The following CDH4 variants were observed in gnomAD, a reference collection of about 807,000 sequenced individuals.
CDH4 encodes cadherin-4.
CDH4 carries 33 observed loss-of-function variants against 86.0 expected under a neutral mutation model. The ratio of observed to expected loss-of-function variants is 0.38; its 90% confidence interval spans 0.29 to 0.51. The LOEUF is 0.51. Ranked by LOEUF, CDH4 falls within the 20% of genes least tolerant of loss-of-function variation. CDH4 has a pLI of 0.86. For synonymous variants in CDH4, 555 were observed against 549.4 expected (o/e 1.01, Z -0.14); for missense variants, 1,114 against 1,307.4 (o/e 0.85, Z 2.28).
intron 2 of CDH4, among the ~76,000 whole-genome samples, chr20:61,557,849 C>T (rs1011040133): frequency 6.7e-5 from 10 of 150,192 alleles, no homozygotes; most frequent in Admixed American, 3.3e-4. Flanking sequence ...GATAATGACG[C>T]GGCGCTGGAT....
intron 2 of CDH4, among the ~76,000 whole-genome samples, chr20:61,567,264 A>AC (rs2086305832): frequency 6.6e-6 from 1 of 152,194 alleles, no homozygotes; most frequent in Admixed American, 6.5e-5. Flanking sequence ...GGCAGAAGTT[A>AC]CCTTAGTCTA....
At chr20:61,849,756 C>A (rs1008131042) in intron 5 of CDH4, among the ~76,000 whole-genome samples, 6 of 152,214 alleles carry the variant, frequency 3.9e-5, no homozygotes, top group Non-Finnish European at 8.8e-5. Context: ...ATAGGATGCC[C>A]GCATGCCCTT....
At chr20:61,576,911 A>G (rs979958836) in intron 2 of CDH4, among the ~76,000 whole-genome samples, 10 of 152,224 alleles carry the variant, frequency 6.6e-5, no homozygotes, top group Admixed American at 5.9e-4. Context: ...GGGAGATTTC[A>G]TTATTTTTAA....
intron 4 of CDH4, among the ~76,000 whole-genome samples, chr20:61,839,393 ATT>A (rs1982034538): frequency 1.3e-5 from 2 of 149,794 alleles, no homozygotes; most frequent in Non-Finnish European, 3.0e-5. Context: ...GTGTATGTGT[ATT>A]TGTGTTGTGT....
chr20:61,481,873 T>C (rs1168992593), intron 2 of CDH4, among the ~76,000 whole-genome samples: 2 of 152,248 alleles, frequency 1.3e-5, no homozygotes, highest in Non-Finnish European at 2.9e-5. Flanking sequence ...TTTTTACTTA[T>C]AAAATATTCC....
intron 2 of CDH4, among the ~76,000 whole-genome samples, chr20:61,504,518 A>G (rs1330447168): frequency 6.6e-6 from 1 of 152,146 alleles, no homozygotes; most frequent in Non-Finnish European, 1.5e-5. Context: ...TTTGAAGCCC[A>G]TAGAGGTTGT....
chr20:61,403,392 T>C (rs2085060926), intron 2 of CDH4, among the ~76,000 whole-genome samples: 1 of 152,126 alleles, frequency 6.6e-6, no homozygotes, highest in Non-Finnish European at 1.5e-5. Context: ...GCTGCTGAGT[T>C]TGGGGGCAGC....
rs111579126 is a variant in CDH4 at position 61,659,661 on chromosome 20, G to A, written c.170-83902G>A. 3.4e-5 allele frequency among the ~76,000 whole-genome samples: 5 copies of A among 147,422 alleles called. 1 individual carries two copies. Among genetic ancestry groups the A allele is most frequent in the African/African-American group, 1.0e-4 (4 of 38,798 alleles). On this transcript the variant is annotated intron_variant, in intron 2 of 15. Coordinates refer to ENST00000614565, the MANE Select transcript of CDH4 (RefSeq NM_001794.5). ...GAGGCTTGGAGGCAGGAGGAGGGTA[G>A]GCCTCAGCCATCTGAGGCTTGGAGG... is the stretch of plus-strand genomic sequence containing the variant.
rs1405077629 is a variant in CDH4, at chr20:61,269,664, GC to G, written c.169+14729del. 6.6e-6 allele frequency among the ~76,000 whole-genome samples: 1 copy of G among 151,954 alleles called. No homozygotes were observed. Among genetic ancestry groups the G allele is most frequent in the East Asian group, 1.9e-4 (1 of 5,196 alleles). On this transcript the variant is annotated intron_variant, in intron 2 of 15. Transcript: ENST00000614565. This position sits in a 1 kb window ranked among gnomAD's most constrained non-coding sequence, Gnocchi z 5.3. ...ATGTAAACACATCAGGCCCTGCTCC[GC>G]CAAGCAGACCCCAGTCCTGCCAGAG... is the stretch of plus-strand genomic sequence containing the variant.
chr20:61,466,344 T>C (rs565967480), intron 2 of CDH4, among the ~76,000 whole-genome samples: 6 of 152,326 alleles, frequency 3.9e-5, no homozygotes, highest in Middle Eastern at 3.4e-3. Flanking sequence ...TGTTAGAGAA[T>C]GTTTTCTCTT....
chr20:61,872,113 C>T (rs945696710), intron 6 of CDH4, among the ~76,000 whole-genome samples: 1 of 152,216 alleles, frequency 6.6e-6, no homozygotes. Flanking sequence ...CTCGCAGACC[C>T]TGCCTCCTGA....
At chr20:61,659,551 G>GCCATCT (rs2087228871) in intron 2 of CDH4, among the ~76,000 whole-genome samples, 1 of 151,900 alleles carries the variant, frequency 6.6e-6, no homozygotes, top group African/African-American at 2.4e-5. Context: ...GTGGGCCTCA[G>GCCATCT]GCATCCGAGG....
At chr20:61,771,621 C>CA (rs71331929) in intron 3 of CDH4, among the ~76,000 whole-genome samples, 31,880 of 109,812 alleles carry the variant, frequency 0.29, 4,455 homozygotes, top group East Asian at 0.45. Flanking sequence ...GACTCCATCT[C>CA]AAAAAAAAAA....
chr20:61,812,208 G>A (rs1980475919), intron 4 of CDH4, among the ~76,000 whole-genome samples: 1 of 152,008 alleles, frequency 6.6e-6, no homozygotes, highest in South Asian at 2.1e-4. Flanking sequence ...ATCAGGGAGG[G>A]AAGTGGTAGG....
intron 4 of CDH4, among the ~76,000 whole-genome samples, chr20:61,792,629 T>C (rs2056148778): frequency 6.6e-6 from 1 of 152,118 alleles, no homozygotes; most frequent in African/African-American, 2.4e-5. Flanking sequence ...AGAATATCTT[T>C]AGATGATGCT....
At chr20:61,845,351 CCT>C (rs1481062073) in intron 5 of CDH4, among the ~76,000 whole-genome samples, 1 of 152,238 alleles carries the variant, frequency 6.6e-6, no homozygotes, top group Non-Finnish European at 1.5e-5. Context: ...GCGCTGATTC[CCT>C]GTCAGGGGCT....
At chr20:61,560,504 GT>G (rs1172048455) in intron 2 of CDH4, among the ~76,000 whole-genome samples, 1 of 152,228 alleles carries the variant, frequency 6.6e-6, no homozygotes, top group African/African-American at 2.4e-5. Flanking sequence ...CCAAAGCCAC[GT>G]TTTTAGGAGC....
rs1360115740 is a variant in CDH4, at chr20:61,923,675, C to A, written c.1599C>A (p.Asp533Glu). ...GTVLTTFSAV[D>E]PDRFMQQAVR... ...TGCTGACCACGTTTTCAGCTGTGGA[C>A]CCTGACCGGTTCATGCAGCAGGCTG... Residue 533 changes from aspartate (D) to glutamate (E), a missense_variant, in exon 10 of 16, where the codon GAC (aspartate) becomes GAA (glutamate). Around this residue, in one of 3 missense-constraint regions of CDH4, gnomAD observed 705 missense variants for 914.1 expected, o/e 0.77. Transcript: ENST00000614565. 6.2e-7 allele frequency: 1 copy of A among 1,613,804 alleles called. No individual in the cohort carries two copies. Among genetic ancestry groups the A allele is most frequent in the Non-Finnish European group, 8.5e-7 (1 of 1,180,048 alleles).
chr20:61,261,568 C>T (rs557533372), intron 2 of CDH4, among the ~76,000 whole-genome samples: 8 of 152,272 alleles, frequency 5.3e-5, no homozygotes, highest in South Asian at 2.1e-4. Flanking sequence ...AACTGATGAT[C>T]GGTGAGTTCT....
Sources: gnomAD v4.1 joint callset for allele counts (sites outside exome capture counted in the v4.1 genomes callset) on GRCh38, gnomAD v4.1.1 for gene constraint, gnomAD v4.1.1 regional missense constraint, Gnocchi (gnomAD v3.1) non-coding constraint, MANE v1.5 for transcripts, NCBI Gene and HGNC (gene_info 2026-07-23, HGNC 2026-07-21) for gene names.